Variants in ZNF729 observed in about 807,000 individuals in gnomAD.
The protein encoded by ZNF729 is zinc finger protein 729.
In ZNF729, 15 loss-of-function variants were observed where a neutral mutation model predicts 12.2. That is an observed-to-expected ratio of 1.23 (90% CI 0.82 to 1.89). ZNF729 has a LOEUF of 1.89. ZNF729 is among the 40% of genes most tolerant of loss of function. The probability of loss-of-function intolerance (pLI) is 0.00; values close to 1 mark genes in which losing one functional copy is unlikely to be tolerated. For missense variants in ZNF729, 1,540 were observed against 1,456.7 expected (o/e 1.06, Z -0.93); for synonymous variants, 492 against 476.3 (o/e 1.03, Z -0.43).
intron 1 of ZNF729, among the ~76,000 whole-genome samples, chr19:22,288,436 T>G (rs769244559): frequency 5.3e-5 from 8 of 152,046 alleles, no homozygotes. Flanking sequence ...TTTTTCCTGG[T>G]CCTGGGTTTC....
rs1393630551 is a variant in ZNF729 at position 22,314,886 on chromosome 19, G to T, written c.1469G>T (p.Cys490Phe). ...AIHTGEKPYKCEECGKAFNHF... is the reference protein window; with the variant it reads ...AIHTGEKPYKFEECGKAFNHF... Reference sequence around the variant, plus strand: ...CATACTGGAGAGAAACCCTACAAATGTGAAGAATGTGGCAAAGCTTTTAAC... The same window carrying T: ...CATACTGGAGAGAAACCCTACAAATTTGAAGAATGTGGCAAAGCTTTTAAC... Residue 490 changes from cysteine to phenylalanine, a missense_variant, in exon 4 of 4, where the codon TGT (cysteine) becomes TTT (phenylalanine). By Grantham distance (205) the Cys-to-Phe change is radical. Transcript: ENST00000601693. The T allele has an allele frequency of 6.2e-7, 1 of 1,613,444 alleles. No individual in the cohort carries two copies. Among genetic ancestry groups the T allele is most frequent in the East Asian group, 2.2e-5 (1 of 44,800 alleles).
intron 1 of ZNF729, among the ~76,000 whole-genome samples, chr19:22,290,749 A>AT (rs111245956): frequency 0.025 from 3,802 of 152,012 alleles, 154 homozygotes; most frequent in African/African-American, 0.087. Context: ...TGATTTATTT[A>AT]TTTTTTTTAA....
At position 22,317,097 on chromosome 19, in the gene ZNF729, A is replaced by G. The variant is rs1202633587; in HGVS notation, c.3680A>G (p.Asn1227Ser). 5.0e-6 allele frequency: 8 copies of G among 1,600,130 alleles called. No individual in the cohort carries two copies. Among genetic ancestry groups the G allele is most frequent in the Non-Finnish European group, 6.0e-6 (7 of 1,174,370 alleles). ...AAGAAAGTACCAAAGCTTTTAAGCAATCCTCACACCTTACTAGACAAAACA... is the reference window on the plus strand; with the variant it reads ...AAGAAAGTACCAAAGCTTTTAAGCAGTCCTCACACCTTACTAGACAAAACA... Reference protein sequence around the residue: ...NVKKVPKLLSNPHTLLDKTIH... With the variant: ...NVKKVPKLLSSPHTLLDKTIH... The change falls in exon 4 of 4, where the codon AAT becomes AGT. Residue 1227 changes from asparagine (N) to serine (S), a missense_variant. Transcript: ENST00000601693.
At chr19:22,302,370 C>T (rs1019197369) in intron 1 of ZNF729, among the ~76,000 whole-genome samples, 4 of 152,300 alleles carry the variant, frequency 2.6e-5, no homozygotes, top group Admixed American at 6.5e-5. Flanking sequence ...GTACAATAAA[C>T]AGATGTGTGC....
At chr19:22,306,299 C>A (rs1470945725) in intron 3 of ZNF729, among the ~76,000 whole-genome samples, 1 of 151,826 alleles carries the variant, frequency 6.6e-6, no homozygotes, top group Admixed American at 6.6e-5. Context: ...ATTAGCCAGG[C>A]ATGGTGGCAC....
At chr19:22,305,547 C>G in intron 3 of ZNF729, among the ~76,000 whole-genome samples, 1 of 151,884 alleles carries the variant, frequency 6.6e-6, no homozygotes, top group Non-Finnish European at 1.5e-5. Flanking sequence ...ATTATAGATT[C>G]CTGGTAAATT....
intron 3 of ZNF729, among the ~76,000 whole-genome samples, chr19:22,306,268 G>A (rs536178945): frequency 4.6e-5 from 7 of 151,626 alleles, no homozygotes; most frequent in African/African-American, 1.2e-4. Flanking sequence ...GAGAAACCCC[G>A]TCTCTACTGA....
chr19:22,286,881 A>G (rs924062278), intron 1 of ZNF729, among the ~76,000 whole-genome samples: 1 of 152,178 alleles, frequency 6.6e-6, no homozygotes, highest in African/African-American at 2.4e-5. Flanking sequence ...CTGACTCCGG[A>G]TGCGGGTTCA....
At chr19:22,305,145 A>T (rs1968362934) in intron 3 of ZNF729, among the ~76,000 whole-genome samples, 1 of 152,114 alleles carries the variant, frequency 6.6e-6, no homozygotes, top group South Asian at 2.1e-4. Context: ...TTTACCTCAC[A>T]CTTGCTCTGT....
Position 22,314,659 on chromosome 19 carries a change from C to A in ZNF729, c.1242C>A (p.Ser414Arg). ...GTGAAGAATGTGGCAAAGCTTTTAG[C>A]CAGTTCTCAACCCTTAAAAAACATA... The part of the protein sequence containing the change: ...YKCEECGKAF[S>R]QFSTLKKHKI... The change falls in exon 4 of 4, where the codon AGC becomes AGA. Residue 414 changes from serine to arginine, a missense_variant. By Grantham distance (110) the Ser-to-Arg change is moderately radical. Transcript: ENST00000601693. 6.2e-7 allele frequency: 1 copy of A among 1,611,112 alleles called. No homozygotes were observed. The highest frequency in any genetic ancestry group is 8.5e-7 in the Non-Finnish European group (1 of 1,179,404).
chr19:22,301,936 C>G (rs1056322736), intron 1 of ZNF729, among the ~76,000 whole-genome samples: 3 of 152,306 alleles, frequency 2.0e-5, no homozygotes, highest in African/African-American at 7.2e-5. Flanking sequence ...TATAACCAGC[C>G]TGAGTCTCTT....
At chr19:22,307,470 G>A (rs1029909960) in intron 3 of ZNF729, among the ~76,000 whole-genome samples, 9 of 150,634 alleles carry the variant, frequency 6.0e-5, no homozygotes, top group East Asian at 3.9e-4. Flanking sequence ...TCAGCCGGAC[G>A]CGGTGGCTTA....
At chr19:22,293,211 A>C (rs1184245414) in intron 1 of ZNF729, among the ~76,000 whole-genome samples, 1 of 152,052 alleles carries the variant, frequency 6.6e-6, no homozygotes, top group Non-Finnish European at 1.5e-5. Flanking sequence ...ATTGAGACGA[A>C]GTCTCACTCT....
Position 22,316,151 on chromosome 19 carries a change from G to T in ZNF729, c.2734G>T (p.Glu912Ter). Residue 912 changes from glutamate (E) to a stop codon, truncating the protein, a stop_gained, in exon 4 of 4, where the codon GAA becomes TAA. Coordinates refer to ENST00000601693, the MANE Select transcript of ZNF729 (RefSeq NM_001242680.2). LOFTEE classifies it low-confidence loss of function (END_TRUNC). Reference sequence around the variant, plus strand: ...TGCAGAGAAACCCTGTAAATGTGAAGAATGTGGCAAAGCTTTTAAGCATTT... The same window carrying T: ...TGCAGAGAAACCCTGTAAATGTGAATAATGTGGCAAAGCTTTTAAGCATTT... ...HTAEKPCKCE[E>*]CGKAFKHFSA... 1 of 1,578,656 alleles carries T rather than the reference G, an allele frequency of 6.3e-7. No homozygotes were observed. Among genetic ancestry groups the T allele is most frequent in the Non-Finnish European group, 8.7e-7 (1 of 1,153,596 alleles).
chr19:22,297,521 T>C (rs1160296930), intron 1 of ZNF729, among the ~76,000 whole-genome samples: 1 of 152,000 alleles, frequency 6.6e-6, no homozygotes, highest in Non-Finnish European at 1.5e-5. Context: ...TTTATGTAGA[T>C]ATTTTTCTCT....
chr19:22,301,032 CT>C (rs1025620563), intron 1 of ZNF729, among the ~76,000 whole-genome samples: 4 of 151,942 alleles, frequency 2.6e-5, no homozygotes, highest in Non-Finnish European at 5.9e-5. Flanking sequence ...TTATGTTTCT[CT>C]TTTTGTTTTT....
Position 22,286,461 on chromosome 19 carries a change from C to T in ZNF729, c.-65C>T, listed in dbSNP as rs1599749539. ...CAGCCGCAGTTCCCGGTCTCGCCTT[C>T]ACTGCTGTGTGTCCTCAGCCTCTGT... On this transcript the variant is annotated 5_prime_UTR_variant, in exon 1 of 4. Transcript: ENST00000601693. The T allele has an allele frequency of 6.2e-7, 1 of 1,602,562 alleles. No individual in the cohort carries two copies. Among genetic ancestry groups the T allele is most frequent in the Admixed American group, 1.7e-5 (1 of 59,506 alleles).
At chr19:22,297,209 AC>A (rs752805340) in intron 1 of ZNF729, among the ~76,000 whole-genome samples, 1 of 151,800 alleles carries the variant, frequency 6.6e-6, no homozygotes, top group Non-Finnish European at 1.5e-5. Context: ...GTCAGAATCT[AC>A]ATCTCTTCTT....
chr19:22,313,903 C>T lies in ZNF729; in HGVS notation c.486C>T (p.Val162=). The stretch of plus-strand genomic sequence containing the variant: ...TTCAGTGTAACAAACATATGAAAGT[C>T]TTTCATAAATATTCAAATAGAAATA... ...KIFQCNKHMK[V]FHKYSNRNKV... The change falls in exon 4 of 4, where the codon GTC becomes GTT. Residue 162 remains valine (V), a synonymous_variant. Transcript: ENST00000601693. 1 of 1,531,918 alleles carries T rather than the reference C, an allele frequency of 6.5e-7. No individual in the cohort carries two copies. Among genetic ancestry groups the T allele is most frequent in the African/African-American group, 1.4e-5 (1 of 72,412 alleles). The allele number at this position is 1,531,918 out of a possible 1,614,324, so 94.9% of individuals were successfully genotyped here.
Sources: allele counts gnomAD v4.1 joint callset (sites outside exome capture counted in the v4.1 genomes callset), GRCh38; gene constraint gnomAD v4.1.1; transcripts MANE v1.5; gene names NCBI Gene and HGNC (gene_info 2026-07-23, HGNC 2026-07-21).